Variants in IGBP1C observed in about 807,000 individuals in gnomAD.
IGBP1C encodes immunoglobulin-binding protein 1 family member C.
chr17:58,672,010 C>T, the IGBP1C span, among the ~76,000 whole-genome samples: 2 of 152,124 alleles, frequency 1.3e-5, no homozygotes, highest in Non-Finnish European at 2.9e-5. Flanking sequence ...CATTTCTCCA[C>T]GGATAACAGG....
At chr17:58,676,163 A>C in the IGBP1C span, among the ~76,000 whole-genome samples, 1 of 152,092 alleles carries the variant, frequency 6.6e-6, no homozygotes, top group African/African-American at 2.4e-5. Context: ...ATCACCTGAG[A>C]TCAGGAGTTC....
the IGBP1C span, chr17:58,660,496 G>T: frequency 1.4e-6 from 1 of 700,448 alleles, no homozygotes; most frequent in East Asian, 2.5e-5. Context: ...AGCTGTAGGG[G>T]AGCTCAGGGA....
At chr17:58,678,042 C>T in the IGBP1C span, among the ~76,000 whole-genome samples, 1 of 152,052 alleles carries the variant, frequency 6.6e-6, no homozygotes, top group Admixed American at 6.6e-5. Flanking sequence ...CCCAGCTATT[C>T]GGGAGGCTGA....
At chr17:58,663,422 CAAA>C in the IGBP1C span, among the ~76,000 whole-genome samples, 2 of 57,840 alleles carry the variant, frequency 3.5e-5, no homozygotes. Flanking sequence ...AACTCCGTCT[CAAA>C]AAAAAAAAAA....
chr17:58,663,188 C>T, the IGBP1C span, among the ~76,000 whole-genome samples: 1 of 151,618 alleles, frequency 6.6e-6, no homozygotes, highest in Admixed American at 6.6e-5. Context: ...TTTTGGAAGC[C>T]AAGGCAGATG....
the IGBP1C span, among the ~76,000 whole-genome samples, chr17:58,684,682 A>T: frequency 2.0e-5 from 3 of 149,372 alleles, no homozygotes; most frequent in East Asian, 2.0e-4. Context: ...AATAAATAAA[A>T]AGCTTTCTTC....
chr17:58,676,944 C>T, the IGBP1C span, among the ~76,000 whole-genome samples: 1 of 152,172 alleles, frequency 6.6e-6, no homozygotes, highest in East Asian at 1.9e-4. Flanking sequence ...TGGCGAAACC[C>T]CGTCTCTACT....
chr17:58,677,115 G>A, the IGBP1C span, among the ~76,000 whole-genome samples: 292 of 117,132 alleles, frequency 2.5e-3, 2 homozygotes, highest in African/African-American at 9.7e-3. Context: ...GGGAAACTCC[G>A]TCTCAAAAAA....
chr17:58,675,974 C>T, the IGBP1C span, among the ~76,000 whole-genome samples: 4 of 152,154 alleles, frequency 2.6e-5, no homozygotes, highest in Non-Finnish European at 5.9e-5. Context: ...TGCCGTGGCT[C>T]ACACATGTAT....
the IGBP1C span, among the ~76,000 whole-genome samples, chr17:58,690,206 G>C: frequency 1.3e-5 from 2 of 151,528 alleles, no homozygotes; most frequent in Non-Finnish European, 2.9e-5. Flanking sequence ...TCGCTCTGTC[G>C]CCCAGATTGG....
At chr17:58,680,598 T>C in the IGBP1C span, among the ~76,000 whole-genome samples, 88 of 151,918 alleles carry the variant, frequency 5.8e-4, no homozygotes, top group African/African-American at 1.9e-3. Flanking sequence ...AAAAATCAGC[T>C]GGGCATGGTG....
the IGBP1C span, chr17:58,661,425 A>G: frequency 4.8e-6 from 4 of 828,290 alleles, no homozygotes; most frequent in South Asian, 1.3e-5. Context: ...TCAAGCTGCG[A>G]TAACATTTTG....
the IGBP1C span, among the ~76,000 whole-genome samples, chr17:58,684,963 C>CA: frequency 5.9e-5 from 9 of 151,538 alleles, no homozygotes; most frequent in East Asian, 5.8e-4. Context: ...CTCAGTCCCC[C>CA]AAAAAATCAT....
chr17:58,686,657 G>T, the IGBP1C span, among the ~76,000 whole-genome samples: 1 of 151,794 alleles, frequency 6.6e-6, no homozygotes, highest in Non-Finnish European at 1.5e-5. Flanking sequence ...TCAAAGAGTC[G>T]TGGACAACAA....
the IGBP1C span, among the ~76,000 whole-genome samples, chr17:58,674,778 C>G: frequency 7.2e-6 from 1 of 139,518 alleles, no homozygotes. Context: ...TATAGTATGT[C>G]AATTATCCTT....
the IGBP1C span, chr17:58,679,596 C>T: frequency 6.6e-6 from 1 of 152,218 alleles, no homozygotes; most frequent in Non-Finnish European, 1.5e-5. Context: ...TTGTAGAAAA[C>T]CACAGGGGTC....
the IGBP1C span, among the ~76,000 whole-genome samples, chr17:58,670,771 TTAAAAAAAAA>T: frequency 3.8e-4 from 3 of 7,954 alleles, no homozygotes; most frequent in East Asian, 5.4e-3. Flanking sequence ...AGACTCCCTC[TTAAAAAAAAA>T]AAAAAAAAAA....
the IGBP1C span, among the ~76,000 whole-genome samples, chr17:58,677,034 G>A: frequency 2.6e-3 from 390 of 149,704 alleles, 6 homozygotes; most frequent in East Asian, 0.036. Context: ...CAGGAGAATC[G>A]CTTGAACTCA....
the IGBP1C span, among the ~76,000 whole-genome samples, chr17:58,678,853 T>TAATAATAATAAAAAA: frequency 6.8e-6 from 1 of 146,760 alleles, no homozygotes; most frequent in African/African-American, 2.5e-5. Flanking sequence ...ATAATAATAA[T>TAATAATAATAAAAAA]AAAAGAGAAG....
Sources: allele counts gnomAD v4.1 joint callset (sites outside exome capture counted in the v4.1 genomes callset), GRCh38; gene constraint gnomAD v4.1.1; transcripts MANE v1.5; gene names NCBI Gene and HGNC (gene_info 2026-07-23, HGNC 2026-07-21).